Variants in NCOA1 observed in about 807,000 individuals in gnomAD.
The protein encoded by NCOA1 is nuclear receptor coactivator 1.
Under a neutral mutation model 150.9 loss-of-function variants are expected in NCOA1, and 35 were observed. The observed-to-expected ratio is 0.23, with a 90% CI of 0.18 to 0.31. NCOA1 has a LOEUF of 0.31. Among genes scored for constraint, NCOA1 ranks in the 10% least tolerant of loss-of-function variants. The probability of loss-of-function intolerance (pLI) is 1.00; values close to 1 mark genes in which losing one functional copy is unlikely to be tolerated. For missense variants in NCOA1, 1,491 were observed against 1,749.3 expected (o/e 0.85, Z 2.63); for synonymous variants, 590 against 630.0 (o/e 0.94, Z 0.95).
intron 1 of NCOA1, among the ~76,000 whole-genome samples, chr2:24,552,343 ATATATATATATTTTTTTTTTTTT>A (rs1665877816): frequency 3.5e-5 from 1 of 28,852 alleles, no homozygotes; most frequent in Non-Finnish European, 6.0e-5. Context: ...ATATATATAT[ATATATATATATTTTTTTTTTTTT>A]TTTTTTTTTT....
chr2:24,669,678 GATAAC>G (rs1355914059), intron 6 of NCOA1, among the ~76,000 whole-genome samples: 9 of 152,098 alleles, frequency 5.9e-5, no homozygotes, highest in Admixed American at 4.6e-4. Flanking sequence ...ATAATAAAAA[GATAAC>G]ATAATTTAAA....
intron 3 of NCOA1, among the ~76,000 whole-genome samples, chr2:24,627,131 T>G (rs1043839011): frequency 1.3e-5 from 2 of 149,254 alleles, no homozygotes; most frequent in African/African-American, 2.4e-5. Context: ...GTTTTTTTTT[T>G]TTTTTTTTTT....
At chr2:24,662,468 T>C (rs998167206) in intron 5 of NCOA1, among the ~76,000 whole-genome samples, 1 of 152,216 alleles carries the variant, frequency 6.6e-6, no homozygotes, top group African/African-American at 2.4e-5. Flanking sequence ...GACATGTTTC[T>C]GTCTTTAGGG....
intron 3 of NCOA1, among the ~76,000 whole-genome samples, chr2:24,616,740 C>G (rs903941319): frequency 2.0e-5 from 3 of 152,126 alleles, no homozygotes; most frequent in Admixed American, 2.0e-4. Context: ...CTGCTCAGGA[C>G]ATGAGCAGTC....
rs1195755055 is a variant in NCOA1 at position 24,523,840 on chromosome 2, C to A, written c.-396+32238C>A. ...GCTTGGGAGGCTGAGGCAGGAGAAT[C>A]GCTTGAACCCAGGAGGTGGAGGGTA... is the stretch of plus-strand genomic sequence containing the variant. On this transcript the variant is annotated intron_variant, in intron 1 of 22. Transcript: ENST00000348332. 2.2e-5 allele frequency among the ~76,000 whole-genome samples: 3 copies of A among 135,038 alleles called. No homozygotes were observed. In the East Asian group the frequency reaches 7.3e-4, roughly 33 times the overall value. 88.6% of individuals were successfully genotyped at this position (135,038 alleles called of 152,430 possible). A position where few individuals can be genotyped will look rare whatever the true frequency, so the allele number is the denominator to read the frequency against.
intron 19 of NCOA1, among the ~76,000 whole-genome samples, chr2:24,742,525 C>T (rs1256944371): frequency 2.0e-5 from 3 of 151,876 alleles, no homozygotes; most frequent in African/African-American, 7.3e-5. Flanking sequence ...GGTGCAATCT[C>T]AGCTCACTGC....
rs1553439184 is a variant in NCOA1 at position 24,629,817 on chromosome 2, C to CATATACATATATATATATAT, written c.-174-14144_-174-14143insCATATATATATATATATATA. On this transcript the variant is annotated intron_variant, in intron 3 of 22. Transcript: ENST00000348332. The stretch of plus-strand genomic sequence containing the variant: ...GACACTGTTTTAAGTAACATACATA[C>CATATACATATATATATATAT]ATATATATATATATATATATATATA... Among the ~76,000 whole-genome samples the CATATACATATATATATATAT allele has an allele frequency of 7.6e-4, 60 of 79,342 alleles. 1 individual carries two copies. Among genetic ancestry groups the CATATACATATATATATATAT allele is most frequent in the African/African-American group, 2.2e-3 (49 of 22,270 alleles). The allele number at this position is 79,342 out of a possible 152,430, so 52.1% of individuals were successfully genotyped here.
intron 3 of NCOA1, among the ~76,000 whole-genome samples, chr2:24,615,899 A>G (rs879567403): frequency 6.6e-6 from 1 of 152,170 alleles, no homozygotes; most frequent in Non-Finnish European, 1.5e-5. Context: ...CATTACTACA[A>G]AGGTGTTCCA....
intron 1 of NCOA1, among the ~76,000 whole-genome samples, chr2:24,504,886 A>C (rs140730948): frequency 6.6e-6 from 1 of 152,154 alleles, no homozygotes; most frequent in Non-Finnish European, 1.5e-5. Context: ...GAAGTTCACA[A>C]AATTTCTCTA....
intron 15 of NCOA1, among the ~76,000 whole-genome samples, chr2:24,727,242 T>C (rs959640961): frequency 2.0e-5 from 3 of 150,504 alleles, no homozygotes; most frequent in Admixed American, 2.0e-4. Flanking sequence ...TACGTTGTAA[T>C]CACCAAGAGA....
intron 3 of NCOA1, among the ~76,000 whole-genome samples, chr2:24,627,937 C>A (rs1351019934): frequency 6.6e-6 from 1 of 152,196 alleles, no homozygotes; most frequent in Admixed American, 6.5e-5. Flanking sequence ...AGCAGTTTTA[C>A]TAATTGTGTT....
intron 13 of NCOA1, among the ~76,000 whole-genome samples, chr2:24,710,327 G>C (rs1572626249): frequency 6.6e-6 from 1 of 151,894 alleles, no homozygotes; most frequent in Non-Finnish European, 1.5e-5. Context: ...TCTGACCTCA[G>C]GTGATCCACC....
At chr2:24,685,907 T>A (rs888115916) in intron 8 of NCOA1, among the ~76,000 whole-genome samples, 12 of 152,224 alleles carry the variant, frequency 7.9e-5, no homozygotes, top group African/African-American at 2.7e-4. Context: ...TCTTGTCCTT[T>A]CATAGTGTGC....
intron 6 of NCOA1, among the ~76,000 whole-genome samples, chr2:24,666,312 C>T (rs1447801961): frequency 1.3e-5 from 2 of 152,036 alleles, no homozygotes; most frequent in East Asian, 1.9e-4. Context: ...CCGCACCTGG[C>T]CTACTTTTTT....
At chr2:24,652,746 T>C (rs955943812) in intron 4 of NCOA1, among the ~76,000 whole-genome samples, 8 of 152,162 alleles carry the variant, frequency 5.3e-5, no homozygotes, top group Admixed American at 3.3e-4. Context: ...TTGGGTATAA[T>C]TTAGCAACTC....
rs1216748799 is a variant in NCOA1, at chr2:24,576,168, TTG to T, written c.-259-8306_-259-8305del. 5.2e-3 allele frequency among the ~76,000 whole-genome samples: 131 copies of T among 25,304 alleles called. 1 individual carries two copies. The highest frequency in any genetic ancestry group is 9.1e-3 in the East Asian group (3 of 328). The allele number at this position is 25,304 out of a possible 152,430, so 16.6% of individuals were successfully genotyped here. ...GCCTTTGTTTTTTTTTTTTTGTTTTTTGTTTTTTTTTTTTTTTTTTTTTGTTT... is the reference window on the plus strand; with the variant it reads ...GCCTTTGTTTTTTTTTTTTTGTTTTTTTTTTTTTTTTTTTTTTTTTTGTTT... On this transcript the variant is annotated intron_variant, in intron 2 of 22. Transcript: ENST00000348332.
At chr2:24,615,582 G>A (rs1668839085) in intron 3 of NCOA1, among the ~76,000 whole-genome samples, 1 of 152,110 alleles carries the variant, frequency 6.6e-6, no homozygotes, top group Non-Finnish European at 1.5e-5. Flanking sequence ...GTGCTGGTGG[G>A]GGCCAATGCT....
chr2:24,548,088 G>A (rs901878856), intron 1 of NCOA1, among the ~76,000 whole-genome samples: 3 of 151,152 alleles, frequency 2.0e-5, no homozygotes, highest in South Asian at 2.1e-4. Flanking sequence ...AAACTGTATA[G>A]TATTGTATTA....
intron 3 of NCOA1, among the ~76,000 whole-genome samples, chr2:24,642,037 T>TGTGTGTGTGTGTGTGCGC (rs942145000): frequency 0.039 from 5,451 of 138,300 alleles, 146 homozygotes; most frequent in Non-Finnish European, 0.057. Context: ...TGTGTGTGTG[T>TGTGTGTGTGTGTGTGCGC]GCGCGCGTGC....
Sources: gnomAD v4.1 joint callset for allele counts (sites outside exome capture counted in the v4.1 genomes callset) on GRCh38, gnomAD v4.1.1 for gene constraint, MANE v1.5 for transcripts, NCBI Gene and HGNC (gene_info 2026-07-23, HGNC 2026-07-21) for gene names.